The following CDKAL1 variants were observed in gnomAD, a reference collection of about 807,000 sequenced individuals.
CDKAL1 encodes the protein CDKAL1 threonylcarbamoyladenosine tRNA methylthiotransferase.
CDKAL1 carries 32 observed loss-of-function variants against 68.2 expected under a neutral mutation model. The ratio of observed to expected loss-of-function variants is 0.47; its 90% CI spans 0.35 to 0.63. CDKAL1 has a LOEUF of 0.63. Ranked by LOEUF, CDKAL1 falls within the 30% of genes least tolerant of loss-of-function variation. The pLI is 0.00. For synonymous variants in CDKAL1, 234 were observed against 244.3 expected (o/e 0.96, Z 0.39); for missense variants, 606 against 696.7 (o/e 0.87, Z 1.47).
intron 4 of CDKAL1, among the ~76,000 whole-genome samples, chr6:20,561,588 A>T (rs775366084): frequency 1.3e-5 from 2 of 151,894 alleles, no homozygotes. Flanking sequence ...TTAAATGAAG[A>T]TGGCAGTGGT....
At chr6:21,106,780 C>T (rs1452546741) in intron 12 of CDKAL1, among the ~76,000 whole-genome samples, 4 of 152,158 alleles carry the variant, frequency 2.6e-5, no homozygotes, top group South Asian at 2.1e-4. Context: ...TTGGTATCTA[C>T]GGGGAGTACT....
At chr6:21,115,302 A>G (rs1421856878) in intron 13 of CDKAL1, among the ~76,000 whole-genome samples, 1 of 152,246 alleles carries the variant, frequency 6.6e-6, no homozygotes, top group Non-Finnish European at 1.5e-5. Context: ...TGTGCTTTGA[A>G]TAACATAATG....
At chr6:21,074,280 A>C (rs1044412208) in intron 12 of CDKAL1, among the ~76,000 whole-genome samples, 1 of 152,048 alleles carries the variant, frequency 6.6e-6, no homozygotes, top group Non-Finnish European at 1.5e-5. Context: ...CTAGTCTCTG[A>C]CTTTATTGTC....
intron 9 of CDKAL1, among the ~76,000 whole-genome samples, chr6:20,930,032 G>A (rs1402672232): frequency 6.6e-6 from 1 of 152,010 alleles, no homozygotes; most frequent in Non-Finnish European, 1.5e-5. Flanking sequence ...AAGTTTATCT[G>A]GATTTTCTGG....
chr6:20,817,920 G>A (rs1777112936), intron 8 of CDKAL1, among the ~76,000 whole-genome samples: 1 of 152,138 alleles, frequency 6.6e-6, no homozygotes, highest in Non-Finnish European at 1.5e-5. Flanking sequence ...ATGACAGGCT[G>A]TATTAGCATG....
At chr6:20,794,740 C>T in intron 8 of CDKAL1, among the ~76,000 whole-genome samples, 1 of 152,036 alleles carries the variant, frequency 6.6e-6, no homozygotes, top group East Asian at 1.9e-4. Context: ...AGATTGTACT[C>T]ACTTTTAGGA....
chr6:20,617,566 CT>C (rs1218067354), intron 4 of CDKAL1, among the ~76,000 whole-genome samples: 1 of 152,164 alleles, frequency 6.6e-6, no homozygotes, highest in East Asian at 1.9e-4. Context: ...ATCCCTCCCC[CT>C]GTCCTCCACC....
intron 15 of CDKAL1, among the ~76,000 whole-genome samples, chr6:21,227,268 A>G (rs924447787): frequency 1.3e-5 from 2 of 152,100 alleles, no homozygotes; most frequent in African/African-American, 4.8e-5. Context: ...TTCAACTGGT[A>G]TGGTTGTACA....
chr6:20,815,455 TG>T (rs757747993), intron 8 of CDKAL1, among the ~76,000 whole-genome samples: 2 of 152,140 alleles, frequency 1.3e-5, no homozygotes, highest in Non-Finnish European at 2.9e-5. Flanking sequence ...CCAGTTTAAC[TG>T]GGTTTTCAAA....
At chr6:21,087,798 G>GCACA (rs78109055) in intron 12 of CDKAL1, among the ~76,000 whole-genome samples, 5 of 150,768 alleles carry the variant, frequency 3.3e-5, no homozygotes, top group Non-Finnish European at 5.9e-5. Context: ...ATGCATGCGT[G>GCACA]CACACACACA....
At chr6:20,931,841 C>T (rs1266936213) in intron 9 of CDKAL1, among the ~76,000 whole-genome samples, 1 of 152,160 alleles carries the variant, frequency 6.6e-6, no homozygotes, top group African/African-American at 2.4e-5. Flanking sequence ...ACTGTCATTT[C>T]GTGCTTGCTT....
chr6:20,747,352 T>C (rs553601069), intron 6 of CDKAL1, among the ~76,000 whole-genome samples: 1 of 152,330 alleles, frequency 6.6e-6, no homozygotes, highest in Non-Finnish European at 1.5e-5. Flanking sequence ...TTTGGATATA[T>C]AAGGATTGCT....
At chr6:21,180,158 C>CAAAAT (rs1777734559) in intron 13 of CDKAL1, among the ~76,000 whole-genome samples, 1 of 152,098 alleles carries the variant, frequency 6.6e-6, no homozygotes, top group Admixed American at 6.6e-5. Flanking sequence ...TGTTTGGTGA[C>CAAAAT]AAAATAAGGT....
chr6:21,067,924 A>C (rs180989102), intron 12 of CDKAL1, among the ~76,000 whole-genome samples: 33 of 152,208 alleles, frequency 2.2e-4, no homozygotes, highest in Non-Finnish European at 8.8e-5. Flanking sequence ...ACTTAATTTT[A>C]ATTGTAGTTT....
chr6:20,652,510 T>C (rs1257683177), intron 5 of CDKAL1, among the ~76,000 whole-genome samples: 1 of 152,196 alleles, frequency 6.6e-6, no homozygotes, highest in Admixed American at 6.5e-5. Flanking sequence ...AGAAACCTTC[T>C]TCTAGAAATT....
In CDKAL1 at chr6:20,534,555, T is replaced by A. The variant is rs143352371; in HGVS notation, c.-69T>A. The A allele has an allele frequency of 5.6e-3, 861 of 152,868 alleles. 5 individuals carry two copies. The highest frequency in any genetic ancestry group is 0.024 in the South Asian group (116 of 4,822). 9.5% of individuals were successfully genotyped at this position (152,868 alleles called of 1,614,324 possible). On this transcript the variant is annotated 5_prime_UTR_variant, in exon 1 of 16. Transcript: ENST00000274695. ...GTTGATTTTCTCACTTTGGACTGGT[T>A]TTTACTTCCCGACTTCTGGGTAAGG...
Position 20,878,251 on chromosome 6 carries a change from G to A in CDKAL1, c.742+32073G>A, listed in dbSNP as rs1489469409. 7.2e-5 allele frequency among the ~76,000 whole-genome samples: 11 copies of A among 152,208 alleles called. No individual in the cohort carries two copies. In the South Asian group the frequency reaches 2.1e-3, roughly 29 times the overall value. On this transcript the variant is annotated intron_variant, in intron 9 of 15. Coordinates refer to ENST00000274695, the MANE Select transcript of CDKAL1 (RefSeq NM_017774.3). ...TAAAATTTTGCTGGTGGAATGGAGT[G>A]GAGACCCAGGCTTTAGATAGTAACT... is the stretch of plus-strand genomic sequence containing the variant.
intron 9 of CDKAL1, among the ~76,000 whole-genome samples, chr6:20,942,602 G>GGC (rs1186771997): frequency 6.7e-6 from 1 of 149,582 alleles, no homozygotes; most frequent in Non-Finnish European, 1.5e-5. Flanking sequence ...CCCAACCTCA[G>GGC]GTGATCTGCC....
intron 13 of CDKAL1, among the ~76,000 whole-genome samples, chr6:21,109,691 G>A (rs1197247355): frequency 6.6e-6 from 1 of 152,234 alleles, no homozygotes; most frequent in African/African-American, 2.4e-5. Flanking sequence ...AGAAGGAGCA[G>A]GCTGATAAGT....
Sources: allele counts gnomAD v4.1 joint callset (sites outside exome capture counted in the v4.1 genomes callset), GRCh38; gene constraint gnomAD v4.1.1; transcripts MANE v1.5; gene names NCBI Gene and HGNC (gene_info 2026-07-23, HGNC 2026-07-21).